The following SLC4A4 variants were observed in gnomAD, a reference collection of about 807,000 sequenced individuals.
The protein encoded by SLC4A4 is solute carrier family 4 member 4.
Under a neutral mutation model 111.5 loss-of-function variants are expected in SLC4A4, and 27 were observed. That is an observed-to-expected ratio of 0.24 (90% CI 0.18 to 0.33). SLC4A4 has a LOEUF of 0.33. Ranked by LOEUF, SLC4A4 falls within the 10% of genes least tolerant of loss-of-function variation. The pLI, the probability that SLC4A4 is intolerant of heterozygous loss-of-function variation, is 1.00. For synonymous variants in SLC4A4, 443 were observed against 463.4 expected (o/e 0.96, Z 0.57); for missense variants, 909 against 1,315.5 (o/e 0.69, Z 4.78).
rs550185267 is a variant in SLC4A4 at position 71,376,394 on chromosome 4, G to A, written c.730+19207G>A. Among the ~76,000 whole-genome samples the A allele has an allele frequency of 5.7e-3, 859 of 150,468 alleles. 5 individuals are homozygous for A. The highest frequency in any genetic ancestry group is 0.02 in the African/African-American group (810 of 41,114). On this transcript the variant is annotated intron_variant, in intron 6 of 25. Transcript: ENST00000264485. ...TTTTTTTGTTATTTTTAGTAGAGAC[G>A]GGGTTTCACTGTGTTAGCCAGGATG... is the stretch of plus-strand genomic sequence containing the variant.
chr4:71,549,330 A>T (rs1735793589), intron 20 of SLC4A4, among the ~76,000 whole-genome samples: 1 of 151,856 alleles, frequency 6.6e-6, no homozygotes, highest in Admixed American at 6.6e-5. Context: ...TAGGCAATGG[A>T]ACCTCATCCA....
chr4:71,236,699 A>G, intron 2 of SLC4A4, 50 bp downstream of exon 2: 1 of 1,414,232 alleles, frequency 7.1e-7, no homozygotes, highest in Non-Finnish European at 1.0e-6. Context: ...ATATGTCTCT[A>G]TAGATAATAA....
At chr4:71,453,694 C>G (rs770809656) in intron 12 of SLC4A4, 25 bp downstream of exon 12, 1 of 1,612,024 alleles carries the variant, frequency 6.2e-7, no homozygotes, top group East Asian at 2.2e-5. Context: ...GAGGAGGACA[C>G]AAATAGTACA....
Position 71,454,609 on chromosome 4 carries a change from C to T in SLC4A4, c.1497+940C>T, listed in dbSNP as rs887755977. ...CTGTTTTTCTACTTTGGTTTTCTTT[C>T]CTGGGCACATGCATATTTTAGATTT... On this transcript the variant is annotated intron_variant, in intron 12 of 25. Coordinates refer to ENST00000264485, the MANE Select transcript of SLC4A4 (RefSeq NM_001098484.3). Among the ~76,000 whole-genome samples the T allele has an allele frequency of 5.5e-4, 83 of 151,888 alleles. 1 individual carries two copies. The highest frequency in any genetic ancestry group is 3.4e-3 in the Middle Eastern group (1 of 294).
Position 71,570,096 on chromosome 4 carries a change from G to A in SLC4A4, c.*2345G>A, listed in dbSNP as rs1046527899. 4.6e-5 allele frequency: 7 copies of A among 151,614 alleles called. No individual in the cohort carries two copies. Among genetic ancestry groups the A allele is most frequent in the Admixed American group, 3.3e-4 (5 of 15,166 alleles). The allele number at this position is 151,614 out of a possible 1,614,324, so 9.4% of individuals were successfully genotyped here. A position where few individuals can be genotyped will look rare whatever the true frequency, so the allele number is the denominator to read the frequency against. On this transcript the variant is annotated 3_prime_UTR_variant, in exon 26 of 26. Transcript: ENST00000264485. ...ATGTATAGTAAATTCAGCTTAACCC[G>A]TGATCTTCTTAAGTTAAAGGTACTT...
intron 2 of SLC4A4, among the ~76,000 whole-genome samples, chr4:71,172,416 C>A (rs544583159): frequency 6.6e-6 from 1 of 152,078 alleles, no homozygotes; most frequent in South Asian, 2.1e-4. Context: ...CCACCATGCC[C>A]AGCAGATTTT....
chr4:71,518,679 C>T (rs1380810460), intron 16 of SLC4A4, among the ~76,000 whole-genome samples: 2 of 150,586 alleles, frequency 1.3e-5, no homozygotes, highest in African/African-American at 5.0e-5. Context: ...TGTTCAGAGC[C>T]TATTATACCT....
At chr4:71,566,835 T>C (rs1380767113) in intron 24 of SLC4A4, among the ~76,000 whole-genome samples, 169 bp from the exon 25 acceptor site, 1 of 151,844 alleles carries the variant, frequency 6.6e-6, no homozygotes, top group African/African-American at 2.4e-5. Flanking sequence ...GAAGTGATTT[T>C]GTCTTCATCA....
rs1737848578 is a variant in SLC4A4, at chr4:71,570,322, C to T, written c.*2571C>T. 1 of 151,904 alleles carries T rather than the reference C, an allele frequency of 6.6e-6. No individual in the cohort carries two copies. Among genetic ancestry groups the T allele is most frequent in the Non-Finnish European group, 1.5e-5 (1 of 67,830 alleles). The allele number at this position is 151,904 out of a possible 1,614,324, so 9.4% of individuals were successfully genotyped here. On this transcript the variant is annotated 3_prime_UTR_variant, in exon 26 of 26. Transcript: ENST00000264485. ...TTTATGACATGAACACAGAATAGTA[C>T]CTTACATTTGCTAAACAGACAGTTA...
intron 3 of SLC4A4, among the ~76,000 whole-genome samples, chr4:71,331,541 T>C (rs1038158374): frequency 8.2e-6 from 1 of 121,908 alleles, no homozygotes; most frequent in Non-Finnish European, 1.6e-5. Flanking sequence ...TGAGAACCCT[T>C]GGACACAGGA....
intron 2 of SLC4A4, among the ~76,000 whole-genome samples, chr4:71,102,106 A>G (rs1223517853): frequency 6.6e-6 from 1 of 152,178 alleles, no homozygotes; most frequent in Non-Finnish European, 1.5e-5. Context: ...ACCAAGGCTC[A>G]AGAACTATGT....
chr4:71,394,763 T>A (rs1719646264), intron 6 of SLC4A4, among the ~76,000 whole-genome samples: 1 of 152,172 alleles, frequency 6.6e-6, no homozygotes, highest in African/African-American at 2.4e-5. Context: ...AATGAATTAA[T>A]GGCATTTGCA....
intron 2 of SLC4A4, among the ~76,000 whole-genome samples, chr4:71,140,412 C>CAATTTTG (rs1465822387): frequency 6.6e-6 from 1 of 151,994 alleles, no homozygotes; most frequent in Non-Finnish European, 1.5e-5. Context: ...CAAAATGAGA[C>CAATTTTG]CCTGTTGCAA....
At chr4:71,237,771 G>C (rs903830627) in intron 2 of SLC4A4, among the ~76,000 whole-genome samples, 8 of 152,172 alleles carry the variant, frequency 5.3e-5, no homozygotes, top group South Asian at 2.1e-4. Context: ...TGTGGTGTTA[G>C]AGGATTGGCG....
intron 1 of SLC4A4, among the ~76,000 whole-genome samples, chr4:71,230,558 T>C (rs1719348927): frequency 6.6e-6 from 1 of 151,978 alleles, no homozygotes; most frequent in African/African-American, 2.4e-5. Flanking sequence ...GTGGGATGAG[T>C]TGAAATACAA....
At chr4:71,138,634 A>G (rs1489546959) in intron 2 of SLC4A4, among the ~76,000 whole-genome samples, 1 of 152,230 alleles carries the variant, frequency 6.6e-6, no homozygotes, top group Non-Finnish European at 1.5e-5. Context: ...GACTGACTGT[A>G]TGCTTCCACC....
intron 1 of SLC4A4, among the ~76,000 whole-genome samples, chr4:71,076,757 G>A (rs1342534302): frequency 2.0e-5 from 3 of 152,132 alleles, no homozygotes; most frequent in Non-Finnish European, 4.4e-5. Context: ...TTGGAAGGTT[G>A]AAGCGGGCAG....
chr4:71,172,043 C>T (rs1161188915), intron 2 of SLC4A4, among the ~76,000 whole-genome samples: 1 of 152,048 alleles, frequency 6.6e-6, no homozygotes, highest in African/African-American at 2.4e-5. Flanking sequence ...GACTAGGACA[C>T]CAGGCTATTG....
chr4:71,328,273 T>A (rs1298305420), intron 3 of SLC4A4, among the ~76,000 whole-genome samples: 1 of 152,174 alleles, frequency 6.6e-6, no homozygotes, highest in Non-Finnish European at 1.5e-5. Flanking sequence ...GTATGAATAA[T>A]GCTGCAGTAA....
Sources: allele counts gnomAD v4.1 joint callset (sites outside exome capture counted in the v4.1 genomes callset), GRCh38; gene constraint gnomAD v4.1.1; transcripts MANE v1.5; gene names NCBI Gene and HGNC (gene_info 2026-07-23, HGNC 2026-07-21).